MYH11: variants seen among roughly 807,000 people sequenced by gnomAD.
The protein encoded by MYH11 is myosin heavy chain 11, also known as myosin-11.
In MYH11, 80 loss-of-function variants were observed where a neutral mutation model predicts 246.6. That is an observed-to-expected ratio of 0.32 (90% CI 0.27 to 0.39). The LOEUF (loss-of-function observed/expected upper bound fraction) is 0.39. Ranked by LOEUF, MYH11 falls within the 10% of genes least tolerant of loss-of-function variation. MYH11 has a pLI of 1.00. For synonymous variants in MYH11, 1,071 were observed against 1,015.5 expected, an observed-to-expected ratio of 1.05 and a Z score of -1.04; for missense variants, 2,158 against 2,546.8, an observed-to-expected ratio of 0.85 and a Z score of 3.29.
chr16:15,724,997 G>C lies in MYH11; in HGVS notation c.3859-5C>G. ...TGTGACGCTCTCAACTTCATTCTAA[G>C]GGTGCCAAGAGACTGGTTAGTCAAA... On this transcript the variant is annotated splice_region_variant and splice_polypyrimidine_tract_variant and intron_variant, in intron 28 of 40. Transcript: ENST00000300036. The C allele has an allele frequency of 6.2e-7, 1 of 1,613,408 alleles. No homozygotes were observed. The highest frequency in any genetic ancestry group is 8.5e-7 in the Non-Finnish European group (1 of 1,179,696).
At chr16:15,834,541 G>GA (rs2043839544) in intron 2 of MYH11, among the ~76,000 whole-genome samples, 1 of 140,382 alleles carries the variant, frequency 7.1e-6, no homozygotes, top group Admixed American at 6.9e-5. Context: ...AAAAAAAAAA[G>GA]AAGAAAGAAA....
At chr16:15,805,739 C>T (rs2042994885) in intron 3 of MYH11, among the ~76,000 whole-genome samples, 3 of 151,908 alleles carry the variant, frequency 2.0e-5, no homozygotes. Flanking sequence ...TGGTGAAACC[C>T]TATCTCTACA....
chr16:15,709,998 C>G (rs1274716921), intron 40 of MYH11, among the ~76,000 whole-genome samples: 3 of 152,314 alleles, frequency 2.0e-5, no homozygotes, highest in African/African-American at 7.2e-5. Flanking sequence ...TCCTTCTTGG[C>G]TGAGGAGCCA....
At chr16:15,826,958 T>C (rs188373601) in intron 2 of MYH11, among the ~76,000 whole-genome samples, 16 of 132,140 alleles carry the variant, frequency 1.2e-4, no homozygotes, top group Admixed American at 7.4e-4. Context: ...GGTGGTGCCA[T>C]TGCACTCCAG....
intron 19 of MYH11, among the ~76,000 whole-genome samples, chr16:15,746,851 G>A (rs2151258861): frequency 6.6e-6 from 1 of 152,278 alleles, no homozygotes; most frequent in Middle Eastern, 3.4e-3. Flanking sequence ...ACTTTGGGAG[G>A]CCAAGGCAGG....
At chr16:15,730,725 G>A (rs2040935696) in intron 27 of MYH11, among the ~76,000 whole-genome samples, 1 of 152,090 alleles carries the variant, frequency 6.6e-6, no homozygotes, top group Non-Finnish European at 1.5e-5. Flanking sequence ...CAACGCTGAG[G>A]GTAATGTAAC....
chr16:15,736,573 C>T lies in MYH11; in HGVS notation c.3293+876G>A, dbSNP rs538787902. 6.6e-5 allele frequency among the ~76,000 whole-genome samples: 10 copies of T among 152,332 alleles called. No homozygotes were observed. In the East Asian group the frequency reaches 1.9e-3, roughly 29 times the overall value. On this transcript the variant is annotated intron_variant, in intron 25 of 40. Coordinates refer to ENST00000300036, the MANE Select transcript of MYH11 (RefSeq NM_002474.3). ...AGATTACAGGCGTGAGCCACTGCAT[C>T]CAGCCAGCAAAGTTTTGTGAGCAGG...
At chr16:15,814,130 C>G (rs946250027) in intron 3 of MYH11, among the ~76,000 whole-genome samples, 6 of 137,764 alleles carry the variant, frequency 4.4e-5, no homozygotes, top group Non-Finnish European at 7.8e-5. Context: ...AAGAGGGAAA[C>G]TCCATCCCCC....
chr16:15,767,602 G>A (rs941755907), intron 9 of MYH11, among the ~76,000 whole-genome samples: 3 of 152,028 alleles, frequency 2.0e-5, no homozygotes, highest in Non-Finnish European at 2.9e-5. Flanking sequence ...GACTACAGGC[G>A]TGAACCACCG....
intron 3 of MYH11, among the ~76,000 whole-genome samples, chr16:15,802,657 C>T (rs1015334453): frequency 1.3e-5 from 2 of 152,160 alleles, no homozygotes; most frequent in East Asian, 3.9e-4. Flanking sequence ...CTATGTTGCC[C>T]AGGCTGGTTT....
chr16:15,754,051 C>CAG (rs370008756), intron 14 of MYH11, among the ~76,000 whole-genome samples: 1 of 132,762 alleles, frequency 7.5e-6, no homozygotes, highest in Non-Finnish European at 1.6e-5. Flanking sequence ...ACTAAAAATA[C>CAG]AAAAAAAAAA....
intron 3 of MYH11, among the ~76,000 whole-genome samples, chr16:15,819,235 G>A (rs1372669193): frequency 1.3e-5 from 2 of 152,204 alleles, no homozygotes; most frequent in African/African-American, 2.4e-5. Context: ...GTAGTTTCAA[G>A]AGAGCTGACT....
At chr16:15,751,442 C>A (rs1191201178) in intron 15 of MYH11, among the ~76,000 whole-genome samples, 1 of 151,576 alleles carries the variant, frequency 6.6e-6, no homozygotes. Flanking sequence ...GGATTACAGG[C>A]GTGAGCTACC....
intron 6 of MYH11, among the ~76,000 whole-genome samples, chr16:15,781,663 T>G (rs914239679): frequency 2.6e-5 from 4 of 152,158 alleles, no homozygotes; most frequent in Non-Finnish European, 5.9e-5. Context: ...AGGCAAAAAC[T>G]TTTTGCTTTG....
At chr16:15,796,735 AAG>A (rs2042750375) in intron 4 of MYH11, among the ~76,000 whole-genome samples, 1 of 152,148 alleles carries the variant, frequency 6.6e-6, no homozygotes, top group Non-Finnish European at 1.5e-5. Flanking sequence ...TGGGCCTTAT[AAG>A]AGAGAGGTAG....
At chr16:15,714,753 C>T (rs548303418) in intron 40 of MYH11, 156 bp downstream of exon 40, 1 of 985,342 alleles carries the variant, frequency 1.0e-6, no homozygotes, top group Non-Finnish European at 1.6e-6. Flanking sequence ...GCCTGGCCCA[C>T]ACTAAGCTTA....
chr16:15,835,974 T>C (rs367986991), intron 2 of MYH11, among the ~76,000 whole-genome samples: 1 of 152,056 alleles, frequency 6.6e-6, no homozygotes, highest in African/African-American at 2.4e-5. Context: ...GGTCTCAAAC[T>C]CCTGGGCTCA....
rs1205837925 is a variant in MYH11, at chr16:15,741,527, T to C, written c.2795A>G (p.Glu932Gly). The change falls in exon 22 of 41, where the codon GAG becomes GGG. Residue 932 changes from glutamate to glycine, a missense_variant. Around this residue, in one of 11 missense-constraint regions of MYH11, gnomAD observed 284 missense variants for 315.4 expected, o/e 0.90. Coordinates refer to ENST00000300036, the MANE Select transcript of MYH11 (RefSeq NM_002474.3). ...CTGCTGGCCCCTGTCTTCCTCCTCCTCCAGGCGGGCCTCCATCTCATGCAG... is the reference window on the plus strand; with the variant it reads ...CTGCTGGCCCCTGTCTTCCTCCTCCCCCAGGCGGGCCTCCATCTCATGCAG... ...EILHEMEARLEEEEDRGQQLQ... is the reference protein window; with the variant it reads ...EILHEMEARLGEEEDRGQQLQ... The C allele has an allele frequency of 6.2e-7, 1 of 1,610,056 alleles. No homozygotes were observed. Among genetic ancestry groups the C allele is most frequent in the Non-Finnish European group, 8.5e-7 (1 of 1,179,996 alleles).
At chr16:15,807,316 T>C (rs576221178) in intron 3 of MYH11, among the ~76,000 whole-genome samples, 1 of 152,122 alleles carries the variant, frequency 6.6e-6, no homozygotes, top group East Asian at 1.9e-4. Flanking sequence ...ATCCTTGCTT[T>C]TGAGAAGTTC....
Sources: gnomAD v4.1 joint callset for allele counts (sites outside exome capture counted in the v4.1 genomes callset) on GRCh38, gnomAD v4.1.1 for gene constraint, gnomAD v4.1.1 regional missense constraint, MANE v1.5 for transcripts, NCBI Gene and HGNC (gene_info 2026-07-23, HGNC 2026-07-21) for gene names.